DNTT: variants seen among roughly 807,000 people sequenced by gnomAD.
The protein encoded by DNTT is nucleosidetriphosphate:DNA deoxynucleotidylexotransferase.
A neutral mutation model predicts 60.9 loss-of-function variants in DNTT; 47 were observed. The ratio of observed to expected loss-of-function variants is 0.77; its 90% CI spans 0.61 to 0.98. DNTT has a LOEUF of 0.98. DNTT is among the 50% of genes least tolerant of loss of function. The pLI is 0.00. For missense variants in DNTT, 665 were observed against 627.5 expected (o/e 1.06, Z -0.64); for synonymous variants, 224 against 221.2 (o/e 1.01, Z -0.11).
intron 9 of DNTT, among the ~76,000 whole-genome samples, chr10:96,334,869 ATTTTAT>A (rs1845049075): frequency 2.6e-5 from 4 of 152,182 alleles, no homozygotes; most frequent in South Asian, 2.1e-4. Context: ...ACATTTGCCC[ATTTTAT>A]TTTTAAGATG....
At chr10:96,332,177 T>G (rs3818313) in intron 8 of DNTT, among the ~76,000 whole-genome samples, 174 bp from the exon 9 acceptor site, 12,210 of 152,286 alleles carry the variant, frequency 0.08, 664 homozygotes, top group South Asian at 0.15. Flanking sequence ...GGGAAGATAA[T>G]GCAACCACTT....
chr10:96,332,291 G>A, intron 8 of DNTT, 60 bp from the exon 9 acceptor site: 1 of 1,578,914 alleles, frequency 6.3e-7, no homozygotes, highest in South Asian at 1.2e-5. Flanking sequence ...AGAATCCAGT[G>A]TTAAATCATA....
chr10:96,319,937 AT>A (rs1345477688), intron 3 of DNTT, among the ~76,000 whole-genome samples: 1 of 152,186 alleles, frequency 6.6e-6, no homozygotes, highest in Non-Finnish European at 1.5e-5. Flanking sequence ...TGTGTTTTGA[AT>A]GGCCCTAAAA....
intron 8 of DNTT, 76 bp from the exon 9 acceptor site, chr10:96,332,275 T>C: frequency 1.3e-6 from 2 of 1,554,480 alleles, no homozygotes; most frequent in Non-Finnish European, 1.7e-6. Flanking sequence ...TGAAAAGATT[T>C]CATTAAGAAT....
At chr10:96,328,521 T>C (rs1844965084) in intron 7 of DNTT, among the ~76,000 whole-genome samples, 1 of 152,182 alleles carries the variant, frequency 6.6e-6, no homozygotes, top group Non-Finnish European at 1.5e-5. Context: ...ATCAGATACA[T>C]GCTATGTATG....
intron 7 of DNTT, 112 bp from the exon 8 acceptor site, chr10:96,328,613 G>A: frequency 2.0e-6 from 2 of 1,016,562 alleles, no homozygotes; most frequent in Non-Finnish European, 2.8e-6. Context: ...AAAAAGTCAA[G>A]AACCTTCTAT....
chr10:96,329,646 A>G (rs1844982387), intron 8 of DNTT, among the ~76,000 whole-genome samples: 1 of 152,216 alleles, frequency 6.6e-6, no homozygotes, highest in Admixed American at 6.5e-5. Context: ...TAGAAACACA[A>G]CCCTAGGGCC....
rs763382301 is a variant in DNTT at position 96,320,794 on chromosome 10, G to C, written c.678+6G>C. On this transcript the variant is annotated splice_donor_region_variant and intron_variant, in intron 4 of 10. Transcript: ENST00000371174. ...AGGTGAAGGGTATCATAGAGGTAAG[G>C]GTGAAATGGGATTTGTCCCACTTCC... 6.2e-7 allele frequency: 1 copy of C among 1,613,054 alleles called. No individual in the cohort carries two copies.
chr10:96,333,566 C>T (rs889199759), intron 9 of DNTT, among the ~76,000 whole-genome samples: 21 of 152,204 alleles, frequency 1.4e-4, no homozygotes, highest in Non-Finnish European at 2.9e-4. Context: ...TAAAAACAAC[C>T]TAAGCATCCA....
chr10:96,328,607 AG>A, intron 7 of DNTT, 117 bp from the exon 8 acceptor site: 1 of 937,950 alleles, frequency 1.1e-6, no homozygotes, highest in Non-Finnish European at 1.6e-6. Context: ...CTTAAAAAAA[AG>A]TCAAGAACCT....
At position 96,322,712 on chromosome 10, in the gene DNTT, G is replaced by T; in HGVS notation, c.734G>T (p.Arg245Leu). The change falls in exon 5 of 11, where the codon CGA becomes CTA. Residue 245 changes from arginine to leucine, a missense_variant. By Grantham distance (102) the Arg-to-Leu change is moderately radical. Transcript: ENST00000371174. ...SEVKAVLNDE[R>L]YQSFKLFTSV... ...GTTAAAGCTGTGTTAAATGATGAAC[G>T]ATATCAATCCTTCAAAGTAAGTGAT... The T allele has an allele frequency of 6.3e-7, 1 of 1,597,580 alleles. No homozygotes were observed. The highest frequency in any genetic ancestry group is 8.6e-7 in the Non-Finnish European group (1 of 1,168,084).
At position 96,304,735 on chromosome 10, in the gene DNTT, AG is replaced by A. The variant is rs1844613694; in HGVS notation, c.203+36del. The A allele has an allele frequency of 1.9e-6, 3 of 1,600,620 alleles. No homozygotes were observed. In the East Asian group the frequency reaches 6.7e-5, roughly 36 times the overall value. ...CATCGATCTTGCTTTGTAAATAAGC[AG>A]AGGCTTTGTGAACAGCTTCTTGGGA... On this transcript the variant is annotated intron_variant, in intron 1 of 10. Transcript: ENST00000371174.
At position 96,304,836 on chromosome 10, in the gene DNTT, C is replaced by G. The variant is rs1365830560; in HGVS notation, c.203+136C>G. ...ACTGGGAGAACAGCAGATTTGAAAT[C>G]AAAGAACAACTAGTTAAGGAAAACG... On this transcript the variant is annotated intron_variant, in intron 1 of 10. Transcript: ENST00000371174. 1.3e-5 allele frequency: 13 copies of G among 963,498 alleles called. No individual in the cohort carries two copies. In the East Asian group the frequency reaches 2.7e-4, roughly 20 times the overall value. The allele number at this position is 963,498 out of a possible 1,614,324, so 59.7% of individuals were successfully genotyped here. A position where few individuals can be genotyped will look rare whatever the true frequency, so the allele number is the denominator to read the frequency against.
At chr10:96,331,771 T>A (rs1347370910) in intron 8 of DNTT, among the ~76,000 whole-genome samples, 1 of 152,186 alleles carries the variant, frequency 6.6e-6, no homozygotes, top group Non-Finnish European at 1.5e-5. Context: ...TATGATTTTT[T>A]AAGTTTTATT....
Position 96,319,245 on chromosome 10 carries a change from C to T in DNTT, c.379-17C>T, listed in dbSNP as rs773648550. On this transcript the variant is annotated splice_polypyrimidine_tract_variant and intron_variant, in intron 2 of 10. Transcript: ENST00000371174. ...TATTAATTTTTATTGAAAATGGATG[C>T]TTATGCATTTGTTTAGGTGAGAAGA... 1.2e-6 allele frequency: 2 copies of T among 1,610,112 alleles called. No homozygotes were observed. The highest frequency in any genetic ancestry group is 2.7e-5 in the African/African-American group (2 of 74,786).
chr10:96,321,933 T>C (rs1312566610), intron 4 of DNTT, among the ~76,000 whole-genome samples: 6 of 152,214 alleles, frequency 3.9e-5, no homozygotes, highest in Non-Finnish European at 8.8e-5. Context: ...TCTCCCATAC[T>C]GTTATTAATC....
chr10:96,314,469 G>A (rs2133985393), intron 1 of DNTT, among the ~76,000 whole-genome samples: 1 of 131,788 alleles, frequency 7.6e-6, no homozygotes, highest in East Asian at 2.2e-4. Flanking sequence ...CTGGAGTGTA[G>A]TGGCACAATC....
intron 1 of DNTT, among the ~76,000 whole-genome samples, chr10:96,313,427 G>A (rs990080688): frequency 2.0e-5 from 3 of 152,100 alleles, no homozygotes; most frequent in Non-Finnish European, 2.9e-5. Context: ...GTTCATTACA[G>A]AAAATGAGAA....
chr10:96,316,065 A>G (rs942617061), intron 1 of DNTT, among the ~76,000 whole-genome samples: 3 of 152,180 alleles, frequency 2.0e-5, no homozygotes, highest in African/African-American at 7.2e-5. Context: ...TGTCAACCAG[A>G]TATTTTAATT....
Sources: gnomAD v4.1 joint callset for allele counts (sites outside exome capture counted in the v4.1 genomes callset) on GRCh38, gnomAD v4.1.1 for gene constraint, MANE v1.5 for transcripts, NCBI Gene and HGNC (gene_info 2026-07-23, HGNC 2026-07-21) for gene names.